CTNNA3: variants seen among roughly 807,000 people sequenced by gnomAD.
CTNNA3 encodes the protein catenin alpha-3.
A neutral mutation model predicts 95.7 loss-of-function variants in CTNNA3; 76 were observed. The ratio of observed to expected loss-of-function variants is 0.79; its 90% confidence interval spans 0.66 to 0.96. The LOEUF (loss-of-function observed/expected upper bound fraction) is 0.96. CTNNA3 is among the 40% of genes least tolerant of loss of function. The pLI, the probability that CTNNA3 is intolerant of heterozygous loss-of-function variation, is 0.00. For synonymous variants in CTNNA3, 431 were observed against 374.4 expected, an observed-to-expected ratio of 1.15 and a Z score of -1.74; for missense variants, 1,191 against 1,089.8, an observed-to-expected ratio of 1.09 and a Z score of -1.31.
chr10:67,187,348 G>C (rs1012478238), intron 6 of CTNNA3, among the ~76,000 whole-genome samples: 1 of 152,064 alleles, frequency 6.6e-6, no homozygotes, highest in Non-Finnish European at 1.5e-5. Context: ...AGAAGATATA[G>C]GATTCAAATC....
intron 7 of CTNNA3, among the ~76,000 whole-genome samples, chr10:66,826,886 C>A (rs1314115094): frequency 6.6e-6 from 1 of 152,212 alleles, no homozygotes; most frequent in Non-Finnish European, 1.5e-5. Flanking sequence ...AACCCTTCAA[C>A]CACTTTCCAA....
At chr10:67,172,977 G>GAA (rs61247841) in intron 7 of CTNNA3, among the ~76,000 whole-genome samples, 75 of 130,678 alleles carry the variant, frequency 5.7e-4, no homozygotes, top group African/African-American at 1.6e-3. Flanking sequence ...CCCATCTCAG[G>GAA]AAAAAAAAAA....
intron 11 of CTNNA3, among the ~76,000 whole-genome samples, chr10:66,397,774 TC>T (rs2092990971): frequency 6.6e-6 from 1 of 151,908 alleles, no homozygotes; most frequent in African/African-American, 2.4e-5. Flanking sequence ...ACTTACTTTT[TC>T]CACATGTGTA....
chr10:66,494,425 T>C (rs541525388), intron 11 of CTNNA3, among the ~76,000 whole-genome samples: 1 of 152,312 alleles, frequency 6.6e-6, no homozygotes, highest in Non-Finnish European at 1.5e-5. Flanking sequence ...GTAGAAAACA[T>C]AGTAAAATTT....
chr10:66,331,824 T>C (rs1180663093), intron 12 of CTNNA3, among the ~76,000 whole-genome samples: 1 of 151,986 alleles, frequency 6.6e-6, no homozygotes, highest in Non-Finnish European at 1.5e-5. Context: ...AGTAGTTTTT[T>C]CCAATTCTGT....
chr10:66,484,408 T>C (rs1839653465), intron 11 of CTNNA3, among the ~76,000 whole-genome samples: 2 of 152,026 alleles, frequency 1.3e-5, no homozygotes, highest in South Asian at 2.1e-4. Context: ...TTTCATTTTT[T>C]ATTTTATATA....
intron 9 of CTNNA3, among the ~76,000 whole-genome samples, chr10:66,637,567 G>C (rs1456867948): frequency 1.3e-5 from 2 of 152,218 alleles, no homozygotes; most frequent in Non-Finnish European, 2.9e-5. Context: ...CTCAGCCTCT[G>C]AAGAAAGAAA....
intron 7 of CTNNA3, among the ~76,000 whole-genome samples, chr10:66,815,212 A>T (rs1842030164): frequency 6.6e-6 from 1 of 152,208 alleles, no homozygotes; most frequent in Admixed American, 6.5e-5. Flanking sequence ...TCTAGAAATT[A>T]ATCAAAGACT....
At chr10:66,938,059 C>A (rs1036111483) in intron 7 of CTNNA3, among the ~76,000 whole-genome samples, 3 of 152,054 alleles carry the variant, frequency 2.0e-5, no homozygotes, top group Admixed American at 6.6e-5. Context: ...AATTGATTTT[C>A]TGGTCATTAT....
intron 7 of CTNNA3, among the ~76,000 whole-genome samples, chr10:66,871,357 G>A (rs1255435047): frequency 6.6e-6 from 1 of 151,904 alleles, no homozygotes; most frequent in African/African-American, 2.4e-5. Flanking sequence ...TTGGGAGTTC[G>A]AGACCAGCCT....
chr10:67,047,417 A>G (rs546431885), intron 7 of CTNNA3, among the ~76,000 whole-genome samples: 3 of 152,176 alleles, frequency 2.0e-5, no homozygotes, highest in Non-Finnish European at 4.4e-5. Flanking sequence ...ATGAAAGGAT[A>G]GTGCTAAGTG....
At chr10:67,235,514 C>A (rs1329045497) in intron 5 of CTNNA3, among the ~76,000 whole-genome samples, 3 of 150,260 alleles carry the variant, frequency 2.0e-5, no homozygotes, top group Admixed American at 6.6e-5. Flanking sequence ...AAAATCAATT[C>A]AAGATGGATT....
chr10:66,449,607 G>C (rs1589268353), intron 11 of CTNNA3, among the ~76,000 whole-genome samples: 2 of 152,150 alleles, frequency 1.3e-5, no homozygotes, highest in East Asian at 3.9e-4. Flanking sequence ...GAAAGGCTAT[G>C]ATTTTTTGCC....
chr10:66,946,125 TCA>T (rs1848261129), intron 7 of CTNNA3, among the ~76,000 whole-genome samples: 1 of 152,118 alleles, frequency 6.6e-6, no homozygotes, highest in Admixed American at 6.6e-5. Context: ...CCACAAAACT[TCA>T]GTTTGTAAAA....
chr10:67,290,903 T>A (rs1194547981), intron 5 of CTNNA3, among the ~76,000 whole-genome samples: 1 of 152,212 alleles, frequency 6.6e-6, no homozygotes, highest in Admixed American at 6.5e-5. Context: ...TAAAAGAAGA[T>A]TCTGCTAATC....
intron 9 of CTNNA3, among the ~76,000 whole-genome samples, chr10:66,747,605 G>A (rs182275624): frequency 1.4e-4 from 22 of 152,202 alleles, no homozygotes; most frequent in African/African-American, 2.2e-4. Context: ...TTAGCTCCCC[G>A]CAGAAAATGT....
chr10:67,203,814 T>C (rs773535432), intron 6 of CTNNA3, among the ~76,000 whole-genome samples: 9 of 152,206 alleles, frequency 5.9e-5, no homozygotes, highest in Non-Finnish European at 1.0e-4. Context: ...GCATTCAATA[T>C]GGTTCCTCAA....
intron 12 of CTNNA3, among the ~76,000 whole-genome samples, chr10:66,320,185 T>A (rs1299143682): frequency 6.6e-6 from 1 of 152,082 alleles, no homozygotes; most frequent in Non-Finnish European, 1.5e-5. Context: ...ATTTTGAATA[T>A]TCTTTCTTTT....
chr10:66,453,226 A>G (rs999361703), intron 11 of CTNNA3, among the ~76,000 whole-genome samples: 1 of 151,924 alleles, frequency 6.6e-6, no homozygotes, highest in Non-Finnish European at 1.5e-5. Context: ...CAAAAAAGAA[A>G]AAAAAAAAAA....
Sources: gnomAD v4.1 joint callset for allele counts (sites outside exome capture counted in the v4.1 genomes callset) on GRCh38, gnomAD v4.1.1 for gene constraint, MANE v1.5 for transcripts, NCBI Gene and HGNC (gene_info 2026-07-23, HGNC 2026-07-21) for gene names.